S100A2: variants seen among roughly 807,000 people sequenced by gnomAD.
S100A2 encodes S100 calcium binding protein A2.
Under a neutral mutation model 4.3 loss-of-function variants are expected in S100A2, and 5 were observed. The observed-to-expected ratio is 1.16, with a 90% CI of 0.61 to 2.44. The LOEUF (loss-of-function observed/expected upper bound fraction) is 2.44, where lower values mean the gene tolerates loss of function less well. Among genes scored for constraint, S100A2 ranks in the 30% most tolerant of loss-of-function variants. The pLI, the probability that S100A2 is intolerant of heterozygous loss-of-function variation, is 0.01. For synonymous variants in S100A2, 44 were observed against 46.0 expected, an observed-to-expected ratio of 0.96 and a Z score of 0.17; for missense variants, 103 against 114.7, an observed-to-expected ratio of 0.90 and a Z score of 0.47.
intron 2 of S100A2, chr1:153,563,442 C>G (rs776387230): frequency 7.7e-6 from 12 of 1,550,436 alleles, no homozygotes; most frequent in Admixed American, 2.0e-5. Context: ...GGGACAATCA[C>G]TTTTCCCTTC....
intron 2 of S100A2, chr1:153,563,354 A>G: frequency 6.6e-7 from 1 of 1,507,606 alleles, no homozygotes; most frequent in African/African-American, 1.4e-5. Context: ...CCTGGGCAAC[A>G]AGAGGGAAAC....
intron 2 of S100A2, among the ~76,000 whole-genome samples, chr1:153,562,570 C>T (rs1413015513): frequency 2.0e-5 from 3 of 152,174 alleles, no homozygotes; most frequent in African/African-American, 4.8e-5. Flanking sequence ...TTGGGAATCA[C>T]CAATGAGTCA....
At position 153,564,140 on chromosome 1, in the gene S100A2, G is replaced by A. The variant is rs1168344490; in HGVS notation, c.-10-253C>T. The A allele has an allele frequency of 9.6e-6, 4 of 415,630 alleles. No individual in the cohort carries two copies. The East Asian group carries it at 1.2e-4, about 12-fold the overall frequency. 25.7% of individuals were successfully genotyped at this position (415,630 alleles called of 1,614,324 possible). A position where few individuals can be genotyped will look rare whatever the true frequency, so the allele number is the denominator to read the frequency against. On this transcript the variant is annotated intron_variant, in intron 1 of 2. Transcript: ENST00000368708. Reference sequence around the variant, plus strand: ...CACCAAGCCTCCTCTGATGGCACTTGGGACACCCCCCTGAGGGCAGGGCTC... The same window carrying A: ...CACCAAGCCTCCTCTGATGGCACTTAGGACACCCCCCTGAGGGCAGGGCTC...
At chr1:153,563,072 G>A (rs1032433659) in intron 2 of S100A2, among the ~76,000 whole-genome samples, 28 of 151,398 alleles carry the variant, frequency 1.8e-4, no homozygotes, top group African/African-American at 6.3e-4. Context: ...TCAGGAGTTC[G>A]AGACCAGCCT....
At chr1:153,563,395 AAGAG>A (rs749961280) in intron 2 of S100A2, 9 of 1,506,818 alleles carry the variant, frequency 6.0e-6, no homozygotes, top group Non-Finnish European at 8.0e-6. Flanking sequence ...AAGAAAAGAA[AAGAG>A]AGAGAGAGAA....
chr1:153,563,651 C>G, intron 2 of S100A2, 83 bp downstream of exon 2: 1 of 1,586,020 alleles, frequency 6.3e-7, no homozygotes, highest in East Asian at 2.3e-5. Context: ...CCTGCATCGA[C>G]AGGCACCCGG....
intron 2 of S100A2, 144 bp downstream of exon 2, chr1:153,563,590 C>T: frequency 6.4e-7 from 1 of 1,554,766 alleles, no homozygotes. Flanking sequence ...ATTTCCACTC[C>T]AGTGGAGCCA....
chr1:153,563,797 C>T lies in S100A2; in HGVS notation c.81G>A (p.Lys27=), dbSNP rs1027544620. ...FHKYSCQEGD[K]FKLSKGEMKE... ...TCATTTCCCCCTTACTCAGCTTGAA[C>T]TTGTCGCCCTCTTGGCAGGAGTACT... Residue 27 remains lysine (K), a synonymous_variant, in exon 2 of 3, where the codon AAG becomes AAA. Coordinates refer to ENST00000368708, the MANE Select transcript of S100A2 (RefSeq NM_005978.4). 6 of 1,614,128 alleles carry T rather than the reference C, an allele frequency of 3.7e-6. No individual in the cohort carries two copies. Among genetic ancestry groups the T allele is most frequent in the Middle Eastern group, 1.6e-4 (1 of 6,084 alleles).
intron 2 of S100A2, 75 bp downstream of exon 2, chr1:153,563,659 C>T (rs1054012559): frequency 8.8e-6 from 14 of 1,586,952 alleles, no homozygotes; most frequent in East Asian, 4.5e-5. Flanking sequence ...GACAGGCACC[C>T]GGAACTGGGG....
At chr1:153,562,963 C>G (rs1266086430) in intron 2 of S100A2, among the ~76,000 whole-genome samples, 2 of 134,794 alleles carry the variant, frequency 1.5e-5, no homozygotes, top group Non-Finnish European at 3.3e-5. Flanking sequence ...TCTTGTCCCC[C>G]CACCACAAAA....
At chr1:153,565,338 C>T (rs1665985989) in intron 1 of S100A2, among the ~76,000 whole-genome samples, 168 bp downstream of exon 1, 1 of 147,028 alleles carries the variant, frequency 6.8e-6, no homozygotes, top group Non-Finnish European at 1.5e-5. Flanking sequence ...AAAAAAAACC[C>T]TTCAGTCAAC....
In S100A2 at chr1:153,563,733, C is replaced by G. The variant is rs183265370; in HGVS notation, c.144+1G>C. On this transcript the variant is annotated splice_donor_variant, in intron 2 of 2. Coordinates refer to ENST00000368708, the MANE Select transcript of S100A2 (RefSeq NM_005978.4). LOFTEE classifies it high-confidence loss of function. ...CTCCCCCACAGGCCTGTGCCACTCA[C>G]CCCCACAAAGCTGGGCAGCTCCTTG... The G allele has an allele frequency of 6.2e-7, 1 of 1,612,606 alleles. No homozygotes were observed. The highest frequency in any genetic ancestry group is 8.5e-7 in the Non-Finnish European group (1 of 1,179,140).
Position 153,561,448 on chromosome 1 carries a change from G to A in S100A2, c.288C>T (p.Asp96=), listed in dbSNP as rs934780055. ...AGTCAAGAGTTCTGCTTCAGGGTCG[G>A]TCTGGGCAGCCCTGGAAGAAGTCAT... ...MCNDFFQGCP[D]RP Residue 96 remains aspartate, a synonymous_variant, in exon 3 of 3, where the codon GAC becomes GAT. Coordinates refer to ENST00000368708, the MANE Select transcript of S100A2 (RefSeq NM_005978.4). 2 of 1,613,432 alleles carry A rather than the reference G, an allele frequency of 1.2e-6. No individual in the cohort carries two copies. The highest frequency in any genetic ancestry group is 2.7e-5 in the African/African-American group (2 of 75,032).
chr1:153,564,026 C>A (rs1460235315), intron 1 of S100A2, 139 bp from the exon 2 acceptor site: 2 of 832,416 alleles, frequency 2.4e-6, no homozygotes, highest in Non-Finnish European at 1.8e-6. Context: ...GCTGCATCTC[C>A]CCCTCAGACT....
intron 2 of S100A2, chr1:153,563,409 A>G (rs1239331383): frequency 3.2e-6 from 5 of 1,546,866 alleles, no homozygotes; most frequent in African/African-American, 2.8e-5. Flanking sequence ...GAGAGAGAGA[A>G]CGTGCCAGTG....
At chr1:153,563,367 C>T (rs1452270925) in intron 2 of S100A2, 21 of 1,495,842 alleles carry the variant, frequency 1.4e-5, no homozygotes, top group Non-Finnish European at 1.7e-5. Context: ...AGGGAAACTC[C>T]ATCTCAAAAA....
Position 153,561,392 on chromosome 1 carries a change from C to T in S100A2, c.*47G>A, listed in dbSNP as rs1225694904. On this transcript the variant is annotated 3_prime_UTR_variant, in exon 3 of 3. Transcript: ENST00000368708. ...TGAATACAAAACTCAAAGGCATCAA[C>T]AGTCCTGGGCCCAAGAGATCCATGG... 5.7e-6 allele frequency: 9 copies of T among 1,580,426 alleles called. No homozygotes were observed. The highest frequency in any genetic ancestry group is 7.8e-6 in the Non-Finnish European group (9 of 1,161,174).
rs1459245057 is a variant in S100A2 at position 153,561,169 on chromosome 1, A to G, written c.*270T>C. On this transcript the variant is annotated 3_prime_UTR_variant, in exon 3 of 3. Transcript: ENST00000368708. The stretch of plus-strand genomic sequence containing the variant: ...AGTCAGCAACCTATCTCGATTTCCA[A>G]TTTTTTGCTGGTGTTTGAAATTCCA... The G allele has an allele frequency of 6.1e-6, 2 of 325,278 alleles. No homozygotes were observed. Among genetic ancestry groups the G allele is most frequent in the Non-Finnish European group, 1.1e-5 (2 of 181,082 alleles). 20.1% of individuals were successfully genotyped at this position (325,278 alleles called of 1,614,324 possible). A position where few individuals can be genotyped will look rare whatever the true frequency, so the allele number is the denominator to read the frequency against.
At chr1:153,563,594 G>A (rs1665943387) in intron 2 of S100A2, 140 bp downstream of exon 2, 1 of 1,556,250 alleles carries the variant, frequency 6.4e-7, no homozygotes, top group African/African-American at 1.4e-5. Flanking sequence ...CCACTCCAGT[G>A]GAGCCATGAA....
Sources: gnomAD v4.1 joint callset for allele counts (sites outside exome capture counted in the v4.1 genomes callset) on GRCh38, gnomAD v4.1.1 for gene constraint, MANE v1.5 for transcripts, NCBI Gene and HGNC (gene_info 2026-07-23, HGNC 2026-07-21) for gene names.